The following TMEM14B variants were observed in gnomAD, a reference collection of about 807,000 sequenced individuals.
The protein encoded by TMEM14B is transmembrane protein 14B.
A neutral mutation model predicts 14.8 loss-of-function variants in TMEM14B; 9 were observed. The ratio of observed to expected loss-of-function variants is 0.61; its 90% CI spans 0.37 to 1.06. The LOEUF (loss-of-function observed/expected upper bound fraction) is 1.06. Ranked by LOEUF, TMEM14B falls within the 50% of genes least tolerant of loss-of-function variation. TMEM14B has a pLI of 0.01. For synonymous variants in TMEM14B, 40 were observed against 51.3 expected, an observed-to-expected ratio of 0.78 and a Z score of 0.94; for missense variants, 128 against 143.6, an observed-to-expected ratio of 0.89 and a Z score of 0.56.
chr6:10,749,077 T>G, intron 1 of TMEM14B, 125 bp from the exon 2 acceptor site: 1 of 626,924 alleles, frequency 1.6e-6, no homozygotes, highest in Non-Finnish European at 2.9e-6. Flanking sequence ...GTACCAGTGT[T>G]ATCCTCATGG....
At chr6:10,757,435 A>G (rs1454633244), downstream of TMEM14B, among the ~76,000 whole-genome samples, 1 of 152,154 alleles carries the variant, frequency 6.6e-6, no homozygotes, top group Non-Finnish European at 1.5e-5. Context: ...TGCTGGGGTA[A>G]TGAGCATGGC....
chr6:10,758,494 C>G (rs142578870), downstream of TMEM14B, among the ~76,000 whole-genome samples: 40 of 152,320 alleles, frequency 2.6e-4, no homozygotes, highest in East Asian at 7.7e-3. Flanking sequence ...TGCTTCTCTG[C>G]AAAGATCCCT....
chr6:10,748,470 C>G (rs942184412), intron 1 of TMEM14B, among the ~76,000 whole-genome samples: 1 of 152,136 alleles, frequency 6.6e-6, no homozygotes, highest in African/African-American at 2.4e-5. Context: ...CCAAGCTGTT[C>G]TCGAACTCCT....
chr6:10,751,005 T>C, intron 3 of TMEM14B, 128 bp from the exon 4 acceptor site: 1 of 1,081,962 alleles, frequency 9.2e-7, no homozygotes. Context: ...CCTGCTTGAG[T>C]CCACCTTGGC....
downstream of TMEM14B, chr6:10,758,909 C>CTTTT (rs34333457): frequency 1.8e-4 from 19 of 103,460 alleles, no homozygotes; most frequent in East Asian, 3.6e-4. Flanking sequence ...AGATCTAATT[C>CTTTT]TTTTTTTTTT....
downstream of TMEM14B, among the ~76,000 whole-genome samples, chr6:10,757,701 A>C (rs1175687183): frequency 6.6e-6 from 1 of 152,176 alleles, no homozygotes; most frequent in Non-Finnish European, 1.5e-5. Flanking sequence ...CTCTTTAAAA[A>C]GGTAAGGAGC....
At chr6:10,758,632 G>GTATA (rs1561917429), downstream of TMEM14B, among the ~76,000 whole-genome samples, 9 of 151,430 alleles carry the variant, frequency 5.9e-5, no homozygotes, top group South Asian at 2.1e-4. Flanking sequence ...ATAAGTGTAT[G>GTATA]ATGGAGGTAG....
rs761135716 is a variant in TMEM14B at position 10,749,260 on chromosome 6, C to G, written c.15C>G (p.Leu5=). 6.2e-7 allele frequency: 1 copy of G among 1,614,168 alleles called. No individual in the cohort carries two copies. Among genetic ancestry groups the G allele is most frequent in the South Asian group, 1.1e-5 (1 of 91,080 alleles). MEKP[L]FPLVPLHWFG... ...AGAAGAGAAGAATGGAGAAGCCCCT[C>G]TTCCCATTGTGAGTAGACAGTAAAT... The change falls in exon 2 of 6, where the codon CTC becomes CTG. Residue 5 remains leucine, a synonymous_variant. Coordinates refer to ENST00000379542, the MANE Select transcript of TMEM14B (RefSeq NM_030969.5).
intron 4 of TMEM14B, among the ~76,000 whole-genome samples, chr6:10,754,593 T>C (rs1771734553): frequency 6.6e-6 from 1 of 152,254 alleles, no homozygotes; most frequent in Non-Finnish European, 1.5e-5. Context: ...AGCTTTTTTG[T>C]GTAGCATCAA....
At chr6:10,749,838 A>G (rs1771480098) in intron 3 of TMEM14B, 140 bp downstream of exon 3, 8 of 951,334 alleles carry the variant, frequency 8.4e-6, no homozygotes, top group Non-Finnish European at 1.3e-5. Context: ...CTTCCTTGTC[A>G]GTCTTGCAGC....
chr6:10,749,401 G>A (rs1771462494), intron 2 of TMEM14B, 133 bp downstream of exon 2: 2 of 1,266,720 alleles, frequency 1.6e-6, no homozygotes, highest in South Asian at 1.3e-5. Flanking sequence ...CTGGACCTGT[G>A]GGCCAGAAAC....
chr6:10,759,026 C>A, downstream of TMEM14B: 1 of 195,724 alleles, frequency 5.1e-6, no homozygotes, highest in South Asian at 5.8e-5. Flanking sequence ...TCAAGCGATT[C>A]TCCTGCCTTA....
At chr6:10,754,100 C>T (rs779644823) in intron 4 of TMEM14B, among the ~76,000 whole-genome samples, 2 of 152,086 alleles carry the variant, frequency 1.3e-5, no homozygotes, top group Non-Finnish European at 1.5e-5. Flanking sequence ...TGGTGAAACC[C>T]GGTCTCCACT....
chr6:10,754,398 T>A (rs1208707427), intron 4 of TMEM14B, among the ~76,000 whole-genome samples: 2 of 152,178 alleles, frequency 1.3e-5, no homozygotes, highest in Non-Finnish European at 2.9e-5. Flanking sequence ...GCTGCCCTTT[T>A]AGGGTGAATG....
At chr6:10,748,347 G>A (rs1228264479) in intron 1 of TMEM14B, among the ~76,000 whole-genome samples, 1 of 152,102 alleles carries the variant, frequency 6.6e-6, no homozygotes, top group East Asian at 1.9e-4. Flanking sequence ...CTGGGCTCAA[G>A]CCATCCTCCC....
Position 10,748,176 on chromosome 6 carries a change from C to T in TMEM14B, c.-45+295C>T, listed in dbSNP as rs142067665. 7.5e-3 allele frequency among the ~76,000 whole-genome samples: 1,147 copies of T among 152,204 alleles called. 5 individuals carry two copies. Among genetic ancestry groups the T allele is most frequent in the Non-Finnish European group, 0.011 (760 of 68,026 alleles). ...TAAAAGCCTCCCTTACTCAGTGCCG[C>T]CTCGAGTTAAGAACTGTGGGCAAGA... On this transcript the variant is annotated intron_variant, in intron 1 of 5. Transcript: ENST00000379542.
chr6:10,750,475 A>G (rs1450684770), intron 3 of TMEM14B, among the ~76,000 whole-genome samples: 1 of 151,628 alleles, frequency 6.6e-6, no homozygotes, highest in East Asian at 1.9e-4. Context: ...TTACTGAAGT[A>G]AAGTAGGCAA....
chr6:10,756,496 G>A lies in TMEM14B; in HGVS notation c.323G>A (p.Arg108His), dbSNP rs751379563. 26 of 1,613,594 alleles carry A rather than the reference G, an allele frequency of 1.6e-5. No homozygotes were observed. The highest frequency in any genetic ancestry group is 2.2e-5 in the East Asian group (1 of 44,860). Residue 108 changes from arginine (R) to histidine (H), a missense_variant, in exon 6 of 6, where the codon CGT becomes CAT. Arg to His is a conservative substitution (Grantham distance 29, BLOSUM62 0). Coordinates refer to ENST00000379542, the MANE Select transcript of TMEM14B (RefSeq NM_030969.5). ...CTGATGGCCGCCAAAGTTGGAGTTC[G>A]TATGTTGATGACATCTGATTAGCAG... ...SLLMAAKVGV[R>H]MLMTSD
downstream of TMEM14B, among the ~76,000 whole-genome samples, chr6:10,758,005 A>G (rs1214926570): frequency 6.6e-6 from 1 of 151,904 alleles, no homozygotes; most frequent in Non-Finnish European, 1.5e-5. Context: ...AAAAAAAAAA[A>G]GATATTTGCT....
Sources: allele counts gnomAD v4.1 joint callset (sites outside exome capture counted in the v4.1 genomes callset), GRCh38; gene constraint gnomAD v4.1.1; transcripts MANE v1.5; gene names NCBI Gene and HGNC (gene_info 2026-07-23, HGNC 2026-07-21).